ZNF385D: variants seen among roughly 807,000 people sequenced by gnomAD.
ZNF385D encodes the protein zinc finger protein 385D.
ZNF385D carries 15 observed loss-of-function variants against 35.8 expected under a neutral mutation model. That is an observed-to-expected ratio of 0.42 (90% CI 0.28 to 0.64). The LOEUF is 0.64. Ranked by LOEUF, ZNF385D falls within the 30% of genes least tolerant of loss-of-function variation. The pLI is 0.23. For missense variants in ZNF385D, 474 were observed against 494.6 expected (o/e 0.96, Z 0.39); for synonymous variants, 212 against 186.8 (o/e 1.13, Z -1.10).
At chr3:21,765,830 T>C (rs1294121681) in intron 3 of ZNF385D, among the ~76,000 whole-genome samples, 2 of 152,026 alleles carry the variant, frequency 1.3e-5, no homozygotes, top group African/African-American at 4.8e-5. Flanking sequence ...AATTCAAAAG[T>C]TTCTTTTCAT....
chr3:22,302,337 T>C (rs75694618), intron 2 of ZNF385D, among the ~76,000 whole-genome samples: 3,746 of 151,950 alleles, frequency 0.025, 67 homozygotes, highest in Non-Finnish European at 0.038. Context: ...TAGTTTCTCA[T>C]TGTGATTTTA....
At chr3:21,421,653 G>A (rs1019315639) in intron 7 of ZNF385D, among the ~76,000 whole-genome samples, 18 of 152,080 alleles carry the variant, frequency 1.2e-4, no homozygotes, top group African/African-American at 3.4e-4. Flanking sequence ...ATGGCCAACC[G>A]GGAATGCTTG....
chr3:22,005,770 G>C (rs528165755), intron 3 of ZNF385D, among the ~76,000 whole-genome samples: 33 of 152,150 alleles, frequency 2.2e-4, no homozygotes, highest in African/African-American at 7.9e-4. Context: ...AGAACCCTAA[G>C]TGTGAAATAC....
At chr3:22,332,105 T>C (rs1694965339) in intron 2 of ZNF385D, among the ~76,000 whole-genome samples, 1 of 152,194 alleles carries the variant, frequency 6.6e-6, no homozygotes, top group African/African-American at 2.4e-5. Flanking sequence ...ATCAAGCTAA[T>C]ATTCCTATTC....
chr3:22,085,987 C>T lies in ZNF385D; in HGVS notation c.325+82830G>A, dbSNP rs2620546. Among the ~76,000 whole-genome samples the T allele has an allele frequency of 5.0e-4, 76 of 152,182 alleles. 1 individual carries two copies. Among genetic ancestry groups the T allele is most frequent in the South Asian group, 1.2e-3 (6 of 4,812 alleles). ...TCTCAATAGATGCAGAAAAGGCCTTCGACAAAATTCAACAACACTTCATGC... is the reference window on the plus strand; with the variant it reads ...TCTCAATAGATGCAGAAAAGGCCTTTGACAAAATTCAACAACACTTCATGC... On this transcript the variant is annotated intron_variant, in intron 3 of 5. Transcript: ENST00000494108.
intron 4 of ZNF385D, among the ~76,000 whole-genome samples, chr3:21,446,352 C>T (rs946346811): frequency 2.6e-5 from 4 of 152,036 alleles, no homozygotes; most frequent in Non-Finnish European, 5.9e-5. Context: ...TGAGGGAGTT[C>T]CTGCGACATG....
At chr3:22,265,569 A>G (rs1236740568) in intron 2 of ZNF385D, among the ~76,000 whole-genome samples, 2 of 151,924 alleles carry the variant, frequency 1.3e-5, no homozygotes, top group East Asian at 3.9e-4. Context: ...CCATCAACCT[A>G]ACACACGCTA....
At position 22,185,854 on chromosome 3, in the gene ZNF385D, G is replaced by T. The variant is rs79290479; in HGVS notation, c.107-16819C>A. Among the ~76,000 whole-genome samples the T allele has an allele frequency of 5.8e-4, 89 of 152,300 alleles. 1 individual carries two copies. In the East Asian group the frequency reaches 0.015, roughly 25 times the overall value. The stretch of plus-strand genomic sequence containing the variant: ...TGTTATTTTGTCTGAAATCTGTGCA[G>T]ATAAAGGGATGTTATTGCTGAGTGT... On this transcript the variant is annotated intron_variant, in intron 2 of 5. Coordinates refer to the ZNF385D transcript ENST00000494108.
chr3:21,437,707 A>AAAAAAAAAAAC (rs1553632274), intron 4 of ZNF385D, among the ~76,000 whole-genome samples: 22 of 138,248 alleles, frequency 1.6e-4, no homozygotes, highest in African/African-American at 3.6e-4. Context: ...TATACAAAAA[A>AAAAAAAAAAAC]AAAAAAAAAA....
At chr3:21,577,106 T>C (rs1001777946) in intron 2 of ZNF385D, among the ~76,000 whole-genome samples, 5 of 152,206 alleles carry the variant, frequency 3.3e-5, no homozygotes, top group African/African-American at 1.2e-4. Context: ...GAACTTATTC[T>C]TCCTATCCAC....
At chr3:21,521,986 A>G (rs1291886522) in intron 3 of ZNF385D, among the ~76,000 whole-genome samples, 8 of 152,176 alleles carry the variant, frequency 5.3e-5, no homozygotes, top group Admixed American at 5.2e-4. Context: ...TTCTTGGGAT[A>G]GAATAGGGCC....
chr3:21,944,944 A>T (rs1040476035), intron 3 of ZNF385D, among the ~76,000 whole-genome samples: 3 of 151,914 alleles, frequency 2.0e-5, no homozygotes, highest in Admixed American at 2.0e-4. Context: ...GAGTTTTGTA[A>T]CTCTCATTTA....
intron 2 of ZNF385D, among the ~76,000 whole-genome samples, chr3:22,353,998 C>T (rs1696035496): frequency 6.6e-6 from 1 of 152,100 alleles, no homozygotes; most frequent in South Asian, 2.1e-4. Flanking sequence ...AACACATATG[C>T]ACCCTCCATT....
chr3:22,246,924 T>G (rs1699814316), intron 2 of ZNF385D, among the ~76,000 whole-genome samples: 1 of 152,106 alleles, frequency 6.6e-6, no homozygotes, highest in Non-Finnish European at 1.5e-5. Flanking sequence ...CATATATTAT[T>G]GTACCTTTTG....
chr3:21,684,398 CT>C (rs1335201808), intron 1 of ZNF385D, among the ~76,000 whole-genome samples: 2 of 82,792 alleles, frequency 2.4e-5, no homozygotes, highest in African/African-American at 1.3e-4. Context: ...CTCTCTCTCT[CT>C]CTCTCCTCTC....
intron 2 of ZNF385D, among the ~76,000 whole-genome samples, chr3:22,322,002 C>T (rs1228258437): frequency 6.6e-6 from 1 of 152,048 alleles, no homozygotes; most frequent in Non-Finnish European, 1.5e-5. Context: ...AAAATGAGTT[C>T]TTTAGAAAAT....
chr3:21,843,938 A>G (rs1176661677), intron 3 of ZNF385D, among the ~76,000 whole-genome samples: 1 of 152,008 alleles, frequency 6.6e-6, no homozygotes. Context: ...TAGAATGTGC[A>G]CAAAAGGAAC....
chr3:22,176,247 A>C (rs912665868), intron 2 of ZNF385D, among the ~76,000 whole-genome samples: 9 of 152,132 alleles, frequency 5.9e-5, no homozygotes, highest in African/African-American at 2.2e-4. Flanking sequence ...ATATTTAGCC[A>C]CACAACTCAG....
chr3:22,218,050 C>T (rs1337408209), intron 2 of ZNF385D, among the ~76,000 whole-genome samples: 6 of 152,002 alleles, frequency 3.9e-5, no homozygotes, highest in African/African-American at 1.5e-4. Flanking sequence ...GTCCTTTCAC[C>T]TTATAGTTAA....
Sources: allele counts gnomAD v4.1 joint callset (sites outside exome capture counted in the v4.1 genomes callset), GRCh38; gene constraint gnomAD v4.1.1; transcripts MANE v1.5; gene names NCBI Gene and HGNC (gene_info 2026-07-23, HGNC 2026-07-21).